PIAS1: variants seen among roughly 807,000 people sequenced by gnomAD.
PIAS1 encodes the protein E3 SUMO-protein ligase PIAS1.
In PIAS1, 6 loss-of-function variants were observed where a neutral mutation model predicts 71.3. The ratio of observed to expected loss-of-function variants is 0.08; its 90% CI spans 0.05 to 0.17. The LOEUF is 0.17. Among genes scored for constraint, PIAS1 ranks in the 10% least tolerant of loss-of-function variants. The probability of loss-of-function intolerance (pLI) is 1.00; values close to 1 mark genes in which losing one functional copy is unlikely to be tolerated. For missense variants in PIAS1, 555 were observed against 793.6 expected, an observed-to-expected ratio of 0.70 and a Z score of 3.61; for synonymous variants, 303 against 292.9, an observed-to-expected ratio of 1.03 and a Z score of -0.35.
chr15:68,122,103 T>C (rs2092618301), intron 2 of PIAS1, among the ~76,000 whole-genome samples: 1 of 152,162 alleles, frequency 6.6e-6, no homozygotes. Context: ...CACTCCTGCC[T>C]GGGTAACAGA....
intron 1 of PIAS1, among the ~76,000 whole-genome samples, chr15:68,057,928 C>T (rs1322379766): frequency 6.6e-6 from 1 of 152,212 alleles, no homozygotes; most frequent in Non-Finnish European, 1.5e-5. Context: ...TCTTTTTCTT[C>T]AAAGAGTTTC....
intron 2 of PIAS1, chr15:68,087,976 T>G (rs1438577431): frequency 4.0e-6 from 1 of 251,826 alleles, no homozygotes; most frequent in Non-Finnish European, 8.2e-6. Context: ...CTTATAAAAC[T>G]GACACATGCT....
At chr15:68,130,931 C>T (rs2092684530) in intron 2 of PIAS1, among the ~76,000 whole-genome samples, 1 of 152,054 alleles carries the variant, frequency 6.6e-6, no homozygotes, top group Non-Finnish European at 1.5e-5. Flanking sequence ...TAGGTAGGCA[C>T]TGTTATAAGC....
intron 8 of PIAS1, among the ~76,000 whole-genome samples, chr15:68,168,192 G>A (rs1454298559): frequency 4.7e-5 from 7 of 149,044 alleles, no homozygotes; most frequent in African/African-American, 1.7e-4. Flanking sequence ...TATTTTCAGT[G>A]GAGATGAGGT....
intron 1 of PIAS1, among the ~76,000 whole-genome samples, chr15:68,077,998 A>C (rs924297569): frequency 6.6e-6 from 1 of 152,216 alleles, no homozygotes; most frequent in African/African-American, 2.4e-5. Flanking sequence ...TCTCTCAGAT[A>C]GGGTATACTG....
chr15:68,106,548 A>C (rs1309832551), intron 2 of PIAS1, among the ~76,000 whole-genome samples: 1 of 152,170 alleles, frequency 6.6e-6, no homozygotes, highest in Non-Finnish European at 1.5e-5. Context: ...TCTAATAGAC[A>C]CTTGCCTTTG....
At chr15:68,096,826 TTA>T (rs765412651) in intron 2 of PIAS1, among the ~76,000 whole-genome samples, 4 of 152,218 alleles carry the variant, frequency 2.6e-5, no homozygotes, top group Non-Finnish European at 4.4e-5. Flanking sequence ...CATGAAACTT[TTA>T]GAGTTTTCTA....
chr15:68,141,296 C>G (rs747410349), intron 2 of PIAS1, among the ~76,000 whole-genome samples: 12 of 152,126 alleles, frequency 7.9e-5, no homozygotes, highest in Non-Finnish European at 1.8e-4. Flanking sequence ...TACCTACCTG[C>G]TTGCATGCGT....
At chr15:68,102,615 T>C (rs940195238) in intron 2 of PIAS1, among the ~76,000 whole-genome samples, 1 of 152,220 alleles carries the variant, frequency 6.6e-6, no homozygotes, top group Non-Finnish European at 1.5e-5. Context: ...TTTTAAAATT[T>C]TATTCATCAG....
At position 68,142,093 on chromosome 15, in the gene PIAS1, AT is replaced by A. The variant is rs369715690; in HGVS notation, c.554+67del. The A allele has an allele frequency of 1.3e-4, 153 of 1,174,466 alleles. 1 individual carries two copies. In the East Asian group the frequency reaches 2.3e-3, roughly 17 times the overall value. 72.8% of individuals were successfully genotyped at this position (1,174,466 alleles called of 1,614,324 possible). A position where few individuals can be genotyped will look rare whatever the true frequency, so the allele number is the denominator to read the frequency against. ...TGAATCCAGTAGTCTATAATAAATG[AT>A]TTTAAAAAACAGTGATTGGTGAGTT... On this transcript the variant is annotated intron_variant, in intron 3 of 13. Transcript: ENST00000249636.
chr15:68,163,492 T>C (rs111580212), intron 7 of PIAS1, among the ~76,000 whole-genome samples: 1,596 of 152,278 alleles, frequency 0.01, 13 homozygotes, highest in Non-Finnish European at 0.018. Context: ...GTCCCTCTTT[T>C]CATTCTGATT....
chr15:68,085,068 T>C (rs2092266995), intron 1 of PIAS1, among the ~76,000 whole-genome samples: 1 of 152,194 alleles, frequency 6.6e-6, no homozygotes, highest in Non-Finnish European at 1.5e-5. Context: ...TTTTGCCACC[T>C]GCAAAGAACC....
At chr15:68,055,772 C>T (rs768758618) in intron 1 of PIAS1, 15 of 543,862 alleles carry the variant, frequency 2.8e-5, no homozygotes, top group Non-Finnish European at 3.6e-5. Context: ...AATTTTTTCC[C>T]CGTTATAATG....
rs2092992513 is a variant in PIAS1 at position 68,171,686 on chromosome 15, A to G, written c.1009-2046A>G. Among the ~76,000 whole-genome samples, 1 of 152,126 alleles carries G rather than the reference A, an allele frequency of 6.6e-6. No homozygotes were observed. The highest frequency in any genetic ancestry group is 1.5e-5 in the Non-Finnish European group (1 of 68,014). On this transcript the variant is annotated intron_variant, in intron 8 of 13. Coordinates refer to ENST00000249636, the MANE Select transcript of PIAS1 (RefSeq NM_016166.3). This position sits in a 1 kb window ranked among gnomAD's most constrained non-coding sequence, Gnocchi z 4.4. ...GTTGAAGTAAGGAGGAAATAGTGTTAATTTAGAGAAAGTAAAAGAGGCCCA... is the reference window on the plus strand; with the variant it reads ...GTTGAAGTAAGGAGGAAATAGTGTTGATTTAGAGAAAGTAAAAGAGGCCCA...
intron 1 of PIAS1, among the ~76,000 whole-genome samples, chr15:68,071,176 C>A (rs1238422200): frequency 6.6e-6 from 1 of 151,396 alleles, no homozygotes; most frequent in African/African-American, 2.4e-5. Context: ...GTTGTTTGTT[C>A]TTGGAATTAA....
At position 68,054,344 on chromosome 15, in the gene PIAS1, A is replaced by G. The variant is rs759817649; in HGVS notation, c.18A>G (p.Glu6=). ...GACGCAAGATGGCGGACAGTGCGGA[A>G]CTAAAGGTAAAGCGCAGCTCGAATT... MADSA[E]LKQMVMSLRV... Residue 6 remains glutamate, a synonymous_variant, in exon 1 of 14, where the codon GAA becomes GAG. Transcript: ENST00000249636. This position sits in a 1 kb window ranked among gnomAD's most constrained non-coding sequence, Gnocchi z 4.6. The G allele has an allele frequency of 9.5e-6, 15 of 1,577,492 alleles. No homozygotes were observed. The highest frequency in any genetic ancestry group is 3.3e-4 in the Middle Eastern group (2 of 6,034).
intron 6 of PIAS1, among the ~76,000 whole-genome samples, chr15:68,151,189 T>G (rs2092841502): frequency 6.6e-6 from 1 of 152,082 alleles, no homozygotes. Context: ...GGGTTTTTTT[T>G]GCTGCTGAAC....
At chr15:68,094,138 A>G (rs1595718772) in intron 2 of PIAS1, among the ~76,000 whole-genome samples, 1 of 151,670 alleles carries the variant, frequency 6.6e-6, no homozygotes. Flanking sequence ...TGGGCTATAT[A>G]TATATTTGAA....
chr15:68,065,232 G>A (rs2140957991), intron 1 of PIAS1, among the ~76,000 whole-genome samples: 1 of 152,176 alleles, frequency 6.6e-6, no homozygotes, highest in East Asian at 1.9e-4. Flanking sequence ...GTACAGCAGT[G>A]CCTAATTTAA....
Sources: allele counts gnomAD v4.1 joint callset (sites outside exome capture counted in the v4.1 genomes callset), GRCh38; gene constraint gnomAD v4.1.1; non-coding constraint Gnocchi (gnomAD v3.1); transcripts MANE v1.5; gene names NCBI Gene and HGNC (gene_info 2026-07-23, HGNC 2026-07-21).